The following COPG2 variants were observed in gnomAD, a reference collection of about 807,000 sequenced individuals.
COPG2 encodes the protein coatomer subunit gamma-2.
COPG2 carries 37 observed loss-of-function variants against 46.3 expected under a neutral mutation model. That is an observed-to-expected ratio of 0.80 (90% CI 0.61 to 1.05). The LOEUF (loss-of-function observed/expected upper bound fraction) is 1.05, where lower values mean the gene tolerates loss of function less well. Ranked by LOEUF, COPG2 falls within the 50% of genes least tolerant of loss-of-function variation. The pLI is 0.00. For synonymous variants in COPG2, 159 were observed against 129.7 expected, an observed-to-expected ratio of 1.23 and a Z score of -1.53; for missense variants, 427 against 387.8, an observed-to-expected ratio of 1.10 and a Z score of -0.85.
At chr7:130,589,601 A>C (rs1794357117) in intron 9 of COPG2, among the ~76,000 whole-genome samples, 2 of 152,320 alleles carry the variant, frequency 1.3e-5, no homozygotes, top group South Asian at 4.1e-4. Context: ...ACTTTTTAAT[A>C]GACACTACCA....
At chr7:130,653,968 GAAAA>G (rs145816196) in intron 4 of COPG2, among the ~76,000 whole-genome samples, 1 of 150,172 alleles carries the variant, frequency 6.7e-6, no homozygotes, top group Non-Finnish European at 1.5e-5. Context: ...CCAATTTAAA[GAAAA>G]AAAAAGTTCT....
intron 5 of COPG2, among the ~76,000 whole-genome samples, chr7:130,651,795 T>C (rs11773229): frequency 0.2 from 29,623 of 148,740 alleles, 3,072 homozygotes; most frequent in Middle Eastern, 0.25. Flanking sequence ...GGATTACAGG[T>C]GTGAGCCACC....
At chr7:130,532,525 G>C (rs1325148707) in intron 20 of COPG2, among the ~76,000 whole-genome samples, 2 of 152,116 alleles carry the variant, frequency 1.3e-5, no homozygotes. Flanking sequence ...GGCAGGGCAG[G>C]AGAGTCAGGT....
intron 9 of COPG2, among the ~76,000 whole-genome samples, chr7:130,567,639 G>A (rs1793825948): frequency 1.3e-5 from 2 of 152,152 alleles, no homozygotes; most frequent in African/African-American, 4.8e-5. Context: ...CAAACTAGAA[G>A]GGACTGGGGT....
intron 9 of COPG2, among the ~76,000 whole-genome samples, chr7:130,589,534 T>G (rs555729517): frequency 6.6e-6 from 1 of 152,218 alleles, no homozygotes; most frequent in Non-Finnish European, 1.5e-5. Context: ...ATCCTTCCAC[T>G]TCAGCCTCCC....
intron 4 of COPG2, among the ~76,000 whole-genome samples, chr7:130,655,106 C>T (rs1395745515): frequency 6.6e-6 from 1 of 151,998 alleles, no homozygotes; most frequent in Non-Finnish European, 1.5e-5. Flanking sequence ...CCATTTTTCT[C>T]CTGTTTATAG....
chr7:130,516,906 G>A (rs1224256825), intron 20 of COPG2, among the ~76,000 whole-genome samples: 4 of 152,156 alleles, frequency 2.6e-5, no homozygotes, highest in African/African-American at 9.7e-5. Flanking sequence ...GAAAGTGTAG[G>A]CAGATCTGAG....
chr7:130,638,803 G>A (rs181592302), intron 5 of COPG2, among the ~76,000 whole-genome samples: 13 of 152,204 alleles, frequency 8.5e-5, no homozygotes, highest in East Asian at 7.7e-4. Context: ...CAGCTAGCTC[G>A]GTGTCTGCCC....
chr7:130,506,613 C>G lies in COPG2; in HGVS notation c.*63G>C. 1 of 620,510 alleles carries G rather than the reference C, an allele frequency of 1.6e-6. No homozygotes were observed. 38.4% of individuals were successfully genotyped at this position (620,510 alleles called of 1,614,324 possible). A position where few individuals can be genotyped will look rare whatever the true frequency, so the allele number is the denominator to read the frequency against. On this transcript the variant is annotated 3_prime_UTR_variant, in exon 24 of 24. Transcript: ENST00000425248. Reference sequence around the variant, plus strand: ...AAAGTCTGATTCTGGGAAACTGATGCCACTAGCCTAAAAGCCCACTGACCA... The same window carrying G: ...AAAGTCTGATTCTGGGAAACTGATGGCACTAGCCTAAAAGCCCACTGACCA...
chr7:130,530,725 G>A (rs1194982085), intron 20 of COPG2, among the ~76,000 whole-genome samples: 2 of 152,082 alleles, frequency 1.3e-5, no homozygotes, highest in Non-Finnish European at 2.9e-5. Context: ...GTGGAAGTGG[G>A]ACGATGAGGC....
chr7:130,599,256 G>A (rs980661528), intron 9 of COPG2, among the ~76,000 whole-genome samples: 1 of 152,210 alleles, frequency 6.6e-6, no homozygotes, highest in Non-Finnish European at 1.5e-5. Flanking sequence ...AGTTTCACAT[G>A]ACTAGAGGCT....
intron 20 of COPG2, among the ~76,000 whole-genome samples, chr7:130,518,382 A>C (rs1490231273): frequency 6.6e-6 from 1 of 152,222 alleles, no homozygotes; most frequent in Non-Finnish European, 1.5e-5. Context: ...TCTTGATTCA[A>C]AGCCACTGAT....
intron 19 of COPG2, among the ~76,000 whole-genome samples, chr7:130,548,183 C>T (rs1419740126): frequency 6.6e-6 from 1 of 152,186 alleles, no homozygotes; most frequent in Non-Finnish European, 1.5e-5. Flanking sequence ...TGTTGTCCAA[C>T]TTCATCACAC....
At chr7:130,631,003 A>G (rs1795217668) in intron 5 of COPG2, among the ~76,000 whole-genome samples, 1 of 151,790 alleles carries the variant, frequency 6.6e-6, no homozygotes, top group Non-Finnish European at 1.5e-5. Context: ...GCACTGAGTG[A>G]CCCCATCTCT....
chr7:130,587,947 G>GA (rs1233307929), intron 9 of COPG2, among the ~76,000 whole-genome samples: 7 of 148,544 alleles, frequency 4.7e-5, no homozygotes, highest in East Asian at 2.0e-4. Flanking sequence ...AAATTTACAA[G>GA]AAAAAAAAAC....
chr7:130,509,073 T>A, intron 20 of COPG2: 1 of 457,754 alleles, frequency 2.2e-6, no homozygotes, highest in Non-Finnish European at 4.3e-6. Flanking sequence ...AGCATACAGA[T>A]CATCAGATTA....
chr7:130,587,696 GA>G (rs1794302994), intron 9 of COPG2, among the ~76,000 whole-genome samples: 1 of 152,050 alleles, frequency 6.6e-6, no homozygotes. Context: ...AACCCTAGAA[GA>G]AAACCTAGGC....
At chr7:130,657,989 T>C (rs1409040508) in intron 4 of COPG2, among the ~76,000 whole-genome samples, 1 of 152,196 alleles carries the variant, frequency 6.6e-6, no homozygotes, top group Non-Finnish European at 1.5e-5. Flanking sequence ...TGGTAGTTTC[T>C]TACAAAGTTA....
intron 10 of COPG2, among the ~76,000 whole-genome samples, chr7:130,563,760 A>C (rs1793756410): frequency 8.1e-6 from 1 of 122,814 alleles, no homozygotes; most frequent in Non-Finnish European, 1.6e-5. Context: ...CGTCTCAAAA[A>C]AAAAAAAAAA....
Sources: allele counts gnomAD v4.1 joint callset (sites outside exome capture counted in the v4.1 genomes callset), GRCh38; gene constraint gnomAD v4.1.1; transcripts MANE v1.5; gene names NCBI Gene and HGNC (gene_info 2026-07-23, HGNC 2026-07-21).